Variants in BNIP3L observed in about 807,000 individuals in gnomAD.
BNIP3L encodes the protein BCL2/adenovirus E1B 19 kDa protein-interacting protein 3-like.
A neutral mutation model predicts 25.5 loss-of-function variants in BNIP3L; 10 were observed. That is an observed-to-expected ratio of 0.39 (90% CI 0.24 to 0.67). The LOEUF (loss-of-function observed/expected upper bound fraction) is 0.67. Ranked by LOEUF, BNIP3L falls within the 30% of genes least tolerant of loss-of-function variation. BNIP3L has a pLI of 0.45. For synonymous variants in BNIP3L, 113 were observed against 101.2 expected (o/e 1.12, Z -0.70); for missense variants, 215 against 270.9 (o/e 0.79, Z 1.45).
At chr8:26,389,400 A>T (rs948569411) in intron 1 of BNIP3L, among the ~76,000 whole-genome samples, 4 of 152,106 alleles carry the variant, frequency 2.6e-5, no homozygotes, top group African/African-American at 9.7e-5. Flanking sequence ...GAGATAAATT[A>T]TCTTCAATGT....
At chr8:26,388,100 C>G (rs1438957544) in intron 1 of BNIP3L, among the ~76,000 whole-genome samples, 1 of 152,128 alleles carries the variant, frequency 6.6e-6, no homozygotes, top group Non-Finnish European at 1.5e-5. Context: ...CTGCAAGTCT[C>G]CATGTGAAAC....
At position 26,389,600 on chromosome 8, in the gene BNIP3L, A is replaced by G. The variant is rs1806061545; in HGVS notation, c.101-1643A>G. Among the ~76,000 whole-genome samples, 3 of 152,178 alleles carry G rather than the reference A, an allele frequency of 2.0e-5. 1 individual carries two copies. The South Asian group carries it at 6.2e-4, about 32-fold the overall frequency. On this transcript the variant is annotated intron_variant, in intron 1 of 5. Transcript: ENST00000380629. ...GCCACTGGGGCTGCCTCAAATGGAA[A>G]GGAAAGGGTTCTAAGTATTTATAAA...
chr8:26,401,673 C>CT (rs961827691), intron 3 of BNIP3L, among the ~76,000 whole-genome samples: 6 of 147,248 alleles, frequency 4.1e-5, no homozygotes, highest in Non-Finnish European at 7.5e-5. Context: ...GACATGAAGA[C>CT]TTTTTTTTGC....
At chr8:26,383,466 G>A (rs1373885902) in intron 1 of BNIP3L, 24 of 1,327,568 alleles carry the variant, frequency 1.8e-5, no homozygotes, top group Admixed American at 7.3e-5. Flanking sequence ...CTCGCGGTCC[G>A]GGAGCGGCGC....
chr8:26,383,321 G>A (rs1307433011), intron 1 of BNIP3L, 91 bp downstream of exon 1: 2 of 1,525,642 alleles, frequency 1.3e-6, no homozygotes, highest in Non-Finnish European at 1.8e-6. Context: ...GGCGGGAGGA[G>A]AAGGCAGCTC....
rs1024275844 is a variant in BNIP3L, at chr8:26,413,016, A to G, written c.*2604A>G. 3 of 152,690 alleles carry G rather than the reference A, an allele frequency of 2.0e-5. No homozygotes were observed. The highest frequency in any genetic ancestry group is 7.2e-5 in the African/African-American group (3 of 41,474). The allele number at this position is 152,690 out of a possible 1,614,324, so 9.5% of individuals were successfully genotyped here. A position where few individuals can be genotyped will look rare whatever the true frequency, so the allele number is the denominator to read the frequency against. Reference sequence around the variant, plus strand: ...TGGAATTAACTGAGCCAAAGTGATTATGCATTCTTCATCTATTTTAGTTAG... The same window carrying G: ...TGGAATTAACTGAGCCAAAGTGATTGTGCATTCTTCATCTATTTTAGTTAG... On this transcript the variant is annotated 3_prime_UTR_variant, in exon 6 of 6. Coordinates refer to ENST00000380629, the MANE Select transcript of BNIP3L (RefSeq NM_004331.3). The surrounding 1 kb of genome is among the most constrained non-coding windows in gnomAD (Gnocchi z 5.2).
chr8:26,400,555 A>G (rs1250199428), intron 3 of BNIP3L, among the ~76,000 whole-genome samples: 2 of 141,464 alleles, frequency 1.4e-5, no homozygotes, highest in Non-Finnish European at 3.1e-5. Context: ...CAAAGCCAAA[A>G]TTGACAAATG....
intron 5 of BNIP3L, among the ~76,000 whole-genome samples, chr8:26,409,200 A>C (rs1010796624): frequency 3.3e-5 from 5 of 152,176 alleles, no homozygotes; most frequent in African/African-American, 1.2e-4. Flanking sequence ...GTAATTCATT[A>C]GTTTCTTAGC....
intron 1 of BNIP3L, chr8:26,390,492 G>T (rs1563338118): frequency 1.0e-6 from 1 of 984,920 alleles, no homozygotes; most frequent in Non-Finnish European, 1.2e-6. Context: ...CCGTGGGAGA[G>T]AAAAGAAAAA....
rs778108649 is a variant in BNIP3L, at chr8:26,383,096, C to T, written c.-35C>T. On this transcript the variant is annotated 5_prime_UTR_variant, in exon 1 of 6. Coordinates refer to ENST00000380629, the MANE Select transcript of BNIP3L (RefSeq NM_004331.3). ...TTGCTGCCTGAGTGCCGGAGACGGTCCTGCTGCTGCCGCAGTCCTGCCAGC... is the reference window on the plus strand; with the variant it reads ...TTGCTGCCTGAGTGCCGGAGACGGTTCTGCTGCTGCCGCAGTCCTGCCAGC... 7 of 1,549,168 alleles carry T rather than the reference C, an allele frequency of 4.5e-6. No individual in the cohort carries two copies. In the Admixed American group the frequency reaches 9.5e-5, roughly 21 times the overall value.
In BNIP3L at chr8:26,383,178, C is replaced by A. The variant is rs762673073; in HGVS notation, c.48C>A (p.Asn16Lys). ...CGCCGCCGCCCCTGCACAACAACAA[C>A]AACAACTGCGAGGAAAATGAGCAGT... ...VEPPPPLHNN[N>K]NNCEENEQSL... Residue 16 changes from asparagine (N) to lysine (K), a missense_variant, in exon 1 of 6, where the codon AAC becomes AAA. Physicochemically the swap from Asn to Lys is moderately conservative, Grantham distance 94 (BLOSUM62 0). Around this residue, in one of 4 missense-constraint regions of BNIP3L, gnomAD observed 69 missense variants for 53.6 expected, o/e 1.29. Coordinates refer to ENST00000380629, the MANE Select transcript of BNIP3L (RefSeq NM_004331.3). 5.6e-6 allele frequency: 9 copies of A among 1,612,694 alleles called. No individual in the cohort carries two copies. The highest frequency in any genetic ancestry group is 1.7e-5 in the Admixed American group (1 of 59,968).
chr8:26,404,547 AC>A (rs1299478003), intron 3 of BNIP3L, among the ~76,000 whole-genome samples: 1 of 152,092 alleles, frequency 6.6e-6, no homozygotes, highest in African/African-American at 2.4e-5. Context: ...TTTGAGATGG[AC>A]CTCACTCTGT....
At chr8:26,405,157 T>TA (rs1585439769) in intron 3 of BNIP3L, among the ~76,000 whole-genome samples, 1 of 152,246 alleles carries the variant, frequency 6.6e-6, no homozygotes, top group Non-Finnish European at 1.5e-5. Flanking sequence ...CGTGAAATCT[T>TA]ACTGCGTTTC....
At chr8:26,401,436 A>C (rs1389696718) in intron 3 of BNIP3L, among the ~76,000 whole-genome samples, 2 of 151,838 alleles carry the variant, frequency 1.3e-5, no homozygotes, top group Non-Finnish European at 2.9e-5. Flanking sequence ...GGAGGGGGGA[A>C]GGATAGCATT....
chr8:26,403,983 G>A (rs1585439010), intron 3 of BNIP3L, among the ~76,000 whole-genome samples: 1 of 152,190 alleles, frequency 6.6e-6, no homozygotes, highest in Admixed American at 6.5e-5. Context: ...GTCTGAGTCT[G>A]TGGCCCTTGT....
chr8:26,393,352 C>T (rs1248320723), intron 2 of BNIP3L, among the ~76,000 whole-genome samples: 2 of 147,916 alleles, frequency 1.4e-5, no homozygotes, highest in African/African-American at 5.0e-5. Flanking sequence ...GTGTGTTCTG[C>T]TTTGCCTTTC....
At chr8:26,407,176 T>G (rs1488635202) in intron 3 of BNIP3L, among the ~76,000 whole-genome samples, 1 of 150,022 alleles carries the variant, frequency 6.7e-6, no homozygotes, top group Non-Finnish European at 1.5e-5. Flanking sequence ...CGGCTAATTT[T>G]TTTTTGTTTT....
At chr8:26,405,998 G>A (rs530853250) in intron 3 of BNIP3L, among the ~76,000 whole-genome samples, 7 of 152,298 alleles carry the variant, frequency 4.6e-5, no homozygotes, top group Admixed American at 6.5e-5. Context: ...AGCCAAGGTC[G>A]CGCCACTGCA....
intron 1 of BNIP3L, chr8:26,383,526 CG>C (rs1437055876): frequency 7.7e-4 from 51 of 66,252 alleles, no homozygotes; most frequent in Non-Finnish European, 1.2e-3. Flanking sequence ...GCAGCGGAGC[CG>C]GGCGGGGCGG....
Sources: gnomAD v4.1 joint callset for allele counts (sites outside exome capture counted in the v4.1 genomes callset) on GRCh38, gnomAD v4.1.1 for gene constraint, gnomAD v4.1.1 regional missense constraint, Gnocchi (gnomAD v3.1) non-coding constraint, MANE v1.5 for transcripts, NCBI Gene and HGNC (gene_info 2026-07-23, HGNC 2026-07-21) for gene names.